Variants in RBM6 observed in about 807,000 individuals in gnomAD.
RBM6 encodes RNA-binding protein 6.
In RBM6, 23 loss-of-function variants were observed where a neutral mutation model predicts 140.4. The observed-to-expected ratio is 0.16, with a 90% CI of 0.12 to 0.23. The LOEUF is 0.23. Ranked by LOEUF, RBM6 falls within the 10% of genes least tolerant of loss-of-function variation. The pLI, the probability that RBM6 is intolerant of heterozygous loss-of-function variation, is 1.00. For synonymous variants in RBM6, 439 were observed against 475.6 expected (o/e 0.92, Z 1.00); for missense variants, 1,139 against 1,386.7 (o/e 0.82, Z 2.84).
At chr3:50,035,613 C>T (rs66851636) in intron 6 of RBM6, among the ~76,000 whole-genome samples, 79,058 of 151,282 alleles carry the variant, frequency 0.52, 21,334 homozygotes, top group East Asian at 0.86. Context: ...ACCTGGGAAG[C>T]GGAGCTTGCA....
intron 5 of RBM6, among the ~76,000 whole-genome samples, chr3:49,992,254 A>G (rs1305052817): frequency 6.6e-6 from 1 of 152,188 alleles, no homozygotes; most frequent in African/African-American, 2.4e-5. Flanking sequence ...ACTTGGTCCC[A>G]GAGCCTTTTA....
intron 1 of RBM6, chr3:49,940,552 A>G (rs1343119370): frequency 6.4e-6 from 1 of 155,466 alleles, no homozygotes; most frequent in Non-Finnish European, 1.5e-5. Context: ...TCGGAGCTGT[A>G]AGCGGGCTGT....
chr3:49,971,908 G>T (rs976079245), intron 3 of RBM6, 151 bp from the exon 4 acceptor site: 2 of 601,962 alleles, frequency 3.3e-6, no homozygotes, highest in South Asian at 2.3e-5. Flanking sequence ...TCACATTCTG[G>T]CACTCAGAAC....
chr3:50,000,936 A>G (rs535595113), intron 6 of RBM6, among the ~76,000 whole-genome samples: 10 of 152,130 alleles, frequency 6.6e-5, no homozygotes, highest in Non-Finnish European at 1.5e-4. Context: ...AAGACTTTTG[A>G]TGTATCCTTA....
chr3:50,002,290 C>G (rs1456031701), intron 6 of RBM6, among the ~76,000 whole-genome samples: 1 of 146,840 alleles, frequency 6.8e-6, no homozygotes, highest in African/African-American at 2.5e-5. Flanking sequence ...GAGATGGAGT[C>G]TCGCTCTGTT....
chr3:50,005,817 T>G (rs1049905760), intron 6 of RBM6, among the ~76,000 whole-genome samples: 2 of 152,172 alleles, frequency 1.3e-5, no homozygotes, highest in East Asian at 1.9e-4. Context: ...TGCTGGAAAC[T>G]TCAATTTCAG....
In RBM6 at chr3:50,058,505, G is replaced by A; in HGVS notation, c.2073G>A (p.Lys691=). ...RLTTANVRII[K]NRTGPMGHTY... is the part of the protein sequence containing the mutation. Reference sequence around the variant, plus strand: ...CTACTGCCAACGTCCGTATCATCAAGAACAGAACAGGCCCTATGGGGCATA... The same window carrying A: ...CTACTGCCAACGTCCGTATCATCAAAAACAGAACAGGCCCTATGGGGCATA... Residue 691 remains lysine, a synonymous_variant, in exon 10 of 21, where the codon AAG becomes AAA. Coordinates refer to ENST00000266022, the MANE Select transcript of RBM6 (RefSeq NM_005777.3). The A allele has an allele frequency of 2.5e-6, 4 of 1,609,904 alleles. No individual in the cohort carries two copies. The highest frequency in any genetic ancestry group is 3.4e-6 in the Non-Finnish European group (4 of 1,176,164).
chr3:49,957,703 G>T (rs372850293), intron 1 of RBM6, among the ~76,000 whole-genome samples: 35 of 152,122 alleles, frequency 2.3e-4, no homozygotes, highest in Admixed American at 4.6e-4. Flanking sequence ...CAGGAACCTA[G>T]ATTAATAATT....
chr3:50,008,546 CTTTTTTTTT>C (rs5848909), intron 6 of RBM6, among the ~76,000 whole-genome samples: 1 of 73,694 alleles, frequency 1.4e-5, no homozygotes, highest in African/African-American at 5.3e-5. Context: ...TCTTTTGTAA[CTTTTTTTTT>C]TTTTTTTTTT....
intron 6 of RBM6, among the ~76,000 whole-genome samples, chr3:50,006,114 G>T (rs550100185): frequency 6.7e-6 from 1 of 148,864 alleles, no homozygotes; most frequent in South Asian, 2.1e-4. Flanking sequence ...AGGCTGTAGC[G>T]CAGGGGTGCG....
At position 49,976,985 on chromosome 3, in the gene RBM6, A is replaced by C. The variant is rs1053182518; in HGVS notation, c.1483+1593A>C. Among the ~76,000 whole-genome samples, 4 of 152,160 alleles carry C rather than the reference A, an allele frequency of 2.6e-5. No homozygotes were observed. The East Asian group carries it at 5.8e-4, about 22-fold the overall frequency. ...TTTTGTTTTTTAGTGAAAGAATTGGATTGCTAGTTTCATGTTATTTATATT... is the reference window on the plus strand; with the variant it reads ...TTTTGTTTTTTAGTGAAAGAATTGGCTTGCTAGTTTCATGTTATTTATATT... On this transcript the variant is annotated intron_variant, in intron 5 of 20. Coordinates refer to ENST00000266022, the MANE Select transcript of RBM6 (RefSeq NM_005777.3).
At chr3:50,022,925 C>G in intron 6 of RBM6, among the ~76,000 whole-genome samples, 1 of 151,836 alleles carries the variant, frequency 6.6e-6, no homozygotes, top group South Asian at 2.1e-4. Flanking sequence ...GTAGCAAAAC[C>G]CCATCTCTAC....
intron 6 of RBM6, among the ~76,000 whole-genome samples, chr3:50,002,859 ATAAAG>A (rs569538333): frequency 6.2e-4 from 94 of 152,212 alleles, no homozygotes; most frequent in African/African-American, 2.0e-3. Context: ...CTCAGGGTGA[ATAAAG>A]TAAATATTTT....
chr3:50,050,008 G>A (rs1265989972), intron 7 of RBM6, among the ~76,000 whole-genome samples: 1 of 150,964 alleles, frequency 6.6e-6, no homozygotes, highest in Non-Finnish European at 1.5e-5. Flanking sequence ...TTTTTTTTCT[G>A]TCTTTTTTTT....
chr3:50,056,573 C>T (rs1198360985), intron 8 of RBM6, among the ~76,000 whole-genome samples: 7 of 152,124 alleles, frequency 4.6e-5, no homozygotes, highest in African/African-American at 7.2e-5. Context: ...GGATTACAGG[C>T]GTGAGCCACC....
intron 5 of RBM6, among the ~76,000 whole-genome samples, chr3:49,992,816 C>T (rs762989759): frequency 1.3e-5 from 2 of 152,220 alleles, no homozygotes; most frequent in Non-Finnish European, 2.9e-5. Context: ...ATAGACAGTT[C>T]TGCAGTATTG....
At chr3:49,978,906 A>G (rs1047071559) in intron 5 of RBM6, among the ~76,000 whole-genome samples, 4 of 152,188 alleles carry the variant, frequency 2.6e-5, no homozygotes, top group African/African-American at 9.7e-5. Context: ...CTTGAATTAT[A>G]TGATTATTTC....
rs1473139759 is a variant in RBM6 at position 50,034,356 on chromosome 3, C to T, written c.1558-13889C>T. The stretch of plus-strand genomic sequence containing the variant: ...CAGCTTTGTTCATTGTACATGCTCA[C>T]GGTGCACTTTATATGACCTGTTGGC... On this transcript the variant is annotated intron_variant, in intron 6 of 20. Coordinates refer to ENST00000266022, the MANE Select transcript of RBM6 (RefSeq NM_005777.3). 2.6e-5 allele frequency among the ~76,000 whole-genome samples: 4 copies of T among 152,148 alleles called. No individual in the cohort carries two copies. The East Asian group carries it at 7.7e-4, about 29-fold the overall frequency.
chr3:50,023,647 G>A (rs986357136), intron 6 of RBM6, among the ~76,000 whole-genome samples: 4 of 137,554 alleles, frequency 2.9e-5, no homozygotes, highest in African/African-American at 1.1e-4. Context: ...CAAATAAAAT[G>A]TTTGGTGATT....
Sources: allele counts gnomAD v4.1 joint callset (sites outside exome capture counted in the v4.1 genomes callset), GRCh38; gene constraint gnomAD v4.1.1; transcripts MANE v1.5; gene names NCBI Gene and HGNC (gene_info 2026-07-23, HGNC 2026-07-21).